The following KCNIP4 variants were observed in gnomAD, a reference collection of about 807,000 sequenced individuals.
KCNIP4 encodes the protein potassium voltage-gated channel interacting protein 4.
In KCNIP4, 12 loss-of-function variants were observed where a neutral mutation model predicts 34.0. The observed-to-expected ratio is 0.35, with a 90% confidence interval of 0.23 to 0.57. The LOEUF (loss-of-function observed/expected upper bound fraction) is 0.57. KCNIP4 is among the 20% of genes least tolerant of loss of function. The pLI, the probability that KCNIP4 is intolerant of heterozygous loss-of-function variation, is 0.83. For missense variants in KCNIP4, 238 were observed against 311.7 expected, an observed-to-expected ratio of 0.76 and a Z score of 1.78; for synonymous variants, 124 against 102.2, an observed-to-expected ratio of 1.21 and a Z score of -1.29.
At chr4:21,674,031 A>C (rs1749696752) in intron 1 of KCNIP4, among the ~76,000 whole-genome samples, 1 of 152,228 alleles carries the variant, frequency 6.6e-6, no homozygotes, top group Non-Finnish European at 1.5e-5. Flanking sequence ...AATGAAGATA[A>C]ACAATGTCTT....
chr4:21,670,869 G>T (rs1410029503), intron 1 of KCNIP4, among the ~76,000 whole-genome samples: 2 of 151,940 alleles, frequency 1.3e-5, no homozygotes, highest in Non-Finnish European at 2.9e-5. Flanking sequence ...TGTTAGCCAG[G>T]ACGGTCTCGA....
chr4:21,347,548 A>G lies in KCNIP4; in HGVS notation c.62-464839T>C, dbSNP rs528279737. Among the ~76,000 whole-genome samples the G allele has an allele frequency of 7.9e-5, 12 of 152,320 alleles. 1 individual carries two copies. The highest frequency in any genetic ancestry group is 2.9e-4 in the African/African-American group (12 of 41,574). On this transcript the variant is annotated intron_variant, in intron 1 of 8. Coordinates refer to ENST00000382152, the MANE Select transcript of KCNIP4 (RefSeq NM_025221.6). The stretch of plus-strand genomic sequence containing the variant: ...TGAAGCAGAGCTAGGGAGGAACAGG[A>G]AATCAATCTGAGAGCAAACTGGCAA...
intron 1 of KCNIP4, among the ~76,000 whole-genome samples, chr4:21,065,654 T>TG (rs1014574440): frequency 2.0e-5 from 3 of 148,774 alleles, no homozygotes; most frequent in Non-Finnish European, 4.4e-5. Context: ...TATAATCCAG[T>TG]GGTTTAGTAG....
At chr4:20,818,481 C>G (rs547338686) in intron 3 of KCNIP4, among the ~76,000 whole-genome samples, 2 of 152,302 alleles carry the variant, frequency 1.3e-5, no homozygotes, top group Middle Eastern at 6.8e-3. Flanking sequence ...TGTCAGTGGA[C>G]TGGCTCAGAT....
intron 1 of KCNIP4, among the ~76,000 whole-genome samples, chr4:21,841,375 A>G (rs2109320780): frequency 6.6e-6 from 1 of 152,308 alleles, no homozygotes. Context: ...ACTTGTTAGC[A>G]GGAAGCTATT....
chr4:21,038,618 C>T (rs187095301), intron 1 of KCNIP4, among the ~76,000 whole-genome samples: 2 of 152,308 alleles, frequency 1.3e-5, no homozygotes, highest in Admixed American at 1.3e-4. Context: ...GTCCTAAGGT[C>T]TGAGTTCTAG....
At chr4:21,356,830 G>C (rs886287811) in intron 1 of KCNIP4, among the ~76,000 whole-genome samples, 3 of 151,876 alleles carry the variant, frequency 2.0e-5, no homozygotes, top group African/African-American at 7.2e-5. Context: ...AAAGTTCACA[G>C]GGAACCAAAA....
intron 1 of KCNIP4, among the ~76,000 whole-genome samples, chr4:21,366,060 T>C (rs991120485): frequency 2.0e-5 from 3 of 152,194 alleles, no homozygotes; most frequent in African/African-American, 7.2e-5. Context: ...TGTTTTGATA[T>C]AAGCATTAGA....
intron 1 of KCNIP4, among the ~76,000 whole-genome samples, chr4:21,902,954 C>T (rs1727790911): frequency 6.6e-6 from 1 of 152,060 alleles, no homozygotes; most frequent in Admixed American, 6.6e-5. Flanking sequence ...TTCATAAGTC[C>T]TAGGTAGCAG....
intron 1 of KCNIP4, among the ~76,000 whole-genome samples, chr4:21,473,639 G>C (rs967652663): frequency 4.6e-5 from 7 of 152,046 alleles, no homozygotes; most frequent in African/African-American, 1.7e-4. Flanking sequence ...CTTTAGATAA[G>C]AGTTTCATAC....
At chr4:21,004,727 G>A (rs989321559) in intron 1 of KCNIP4, among the ~76,000 whole-genome samples, 6 of 152,074 alleles carry the variant, frequency 3.9e-5, no homozygotes, top group South Asian at 2.1e-4. Context: ...AGAGTTCCAC[G>A]GAAGTCAAAA....
At chr4:20,972,534 T>C (rs566188603) in intron 1 of KCNIP4, among the ~76,000 whole-genome samples, 23 of 152,110 alleles carry the variant, frequency 1.5e-4, no homozygotes, top group Non-Finnish European at 2.4e-4. Flanking sequence ...TTGTGAGGAG[T>C]AGGTCTCAAG....
intron 1 of KCNIP4, among the ~76,000 whole-genome samples, chr4:21,931,330 C>A (rs1444276403): frequency 6.6e-6 from 1 of 150,996 alleles, no homozygotes; most frequent in Admixed American, 6.6e-5. Flanking sequence ...AGGTTTGTTA[C>A]ATATGTATAC....
At chr4:21,085,711 G>A (rs974152700) in intron 1 of KCNIP4, among the ~76,000 whole-genome samples, 1 of 152,196 alleles carries the variant, frequency 6.6e-6, no homozygotes, top group African/African-American at 2.4e-5. Flanking sequence ...ATCTCAGGAA[G>A]GAGGAGTGAG....
At chr4:21,744,487 A>G (rs1716638110) in intron 1 of KCNIP4, among the ~76,000 whole-genome samples, 2 of 152,172 alleles carry the variant, frequency 1.3e-5, no homozygotes, top group Admixed American at 1.3e-4. Flanking sequence ...AGATAACCAT[A>G]AGGCCAGGAA....
intron 1 of KCNIP4, 69 bp from the exon 2 acceptor site, chr4:20,882,778 TC>T (rs760090682): frequency 7.9e-7 from 1 of 1,260,154 alleles, no homozygotes; most frequent in Non-Finnish European, 1.1e-6. Flanking sequence ...GCAGGGTTTA[TC>T]AGAGAAGCCA....
intron 3 of KCNIP4, among the ~76,000 whole-genome samples, chr4:20,793,478 T>C (rs1346801778): frequency 6.6e-6 from 1 of 152,120 alleles, no homozygotes; most frequent in Admixed American, 6.6e-5. Context: ...TTTGATTGTA[T>C]TGATGATTTC....
chr4:21,756,989 T>C (rs561833187), intron 1 of KCNIP4, among the ~76,000 whole-genome samples: 110 of 150,974 alleles, frequency 7.3e-4, no homozygotes, highest in African/African-American at 2.6e-3. Flanking sequence ...CACAGCTACT[T>C]GGGAGGCTGA....
intron 1 of KCNIP4, among the ~76,000 whole-genome samples, chr4:21,735,526 A>C (rs55906210): frequency 0.12 from 18,175 of 152,158 alleles, 3,709 homozygotes; most frequent in African/African-American, 0.41. Context: ...TCCGTGTTCA[A>C]TGACACCACA....
Sources: gnomAD v4.1 joint callset for allele counts (sites outside exome capture counted in the v4.1 genomes callset) on GRCh38, gnomAD v4.1.1 for gene constraint, MANE v1.5 for transcripts, NCBI Gene and HGNC (gene_info 2026-07-23, HGNC 2026-07-21) for gene names.